Variants in LOC112694756 observed in about 807,000 individuals in gnomAD.
At chr16:30,069,611 A>G in the LOC112694756 span, 6 of 1,613,976 alleles carry the variant, frequency 3.7e-6, no homozygotes, top group Non-Finnish European at 5.1e-6. Flanking sequence ...AAGTTTTCTC[A>G]TGAGGAGATT....
the LOC112694756 span, chr16:30,069,297 G>T: frequency 6.2e-7 from 1 of 1,614,074 alleles, no homozygotes; most frequent in Non-Finnish European, 8.5e-7. Context: ...CCTGTCCCTC[G>T]CCCTGCAGAA....
chr16:30,070,317 T>G, the LOC112694756 span: 3 of 1,076,420 alleles, frequency 2.8e-6, no homozygotes, highest in Admixed American at 3.7e-5. Context: ...GCCCGCGCTC[T>G]TTCTTCCCTC....
At chr16:30,063,235 GCA>G in the LOC112694756 span, among the ~76,000 whole-genome samples, 1 of 152,090 alleles carries the variant, frequency 6.6e-6, no homozygotes, top group African/African-American at 2.4e-5. Flanking sequence ...TCTGTTCGTT[GCA>G]CAGAGTAGAT....
At chr16:30,064,704 A>C in the LOC112694756 span, 1 of 369,792 alleles carries the variant, frequency 2.7e-6, no homozygotes, top group Non-Finnish European at 4.8e-6. Context: ...GGCGGGCAGG[A>C]GCTGCCTTAT....
At chr16:30,068,420 G>A in the LOC112694756 span, 279 of 604,540 alleles carry the variant, frequency 4.6e-4, 3 homozygotes, top group African/African-American at 4.6e-3. Flanking sequence ...GCCCTGAGAT[G>A]CAGTTTAAGG....
chr16:30,063,670 T>C, the LOC112694756 span: 1 of 399,136 alleles, frequency 2.5e-6, no homozygotes, highest in Non-Finnish European at 4.4e-6. Flanking sequence ...CTTCTCCCCT[T>C]AGAGAGCAAC....
the LOC112694756 span, among the ~76,000 whole-genome samples, chr16:30,055,806 T>C: frequency 1.3e-5 from 2 of 152,020 alleles, no homozygotes; most frequent in Non-Finnish European, 2.9e-5. Flanking sequence ...TCTTTTCTTT[T>C]TGTTGTTGTT....
the LOC112694756 span, chr16:30,067,747 A>C: frequency 6.6e-7 from 1 of 1,515,938 alleles, no homozygotes. Context: ...TGAATGCTGG[A>C]TTGGTGGCCT....
the LOC112694756 span, chr16:30,053,431 C>T: frequency 6.5e-6 from 1 of 152,840 alleles, no homozygotes; most frequent in African/African-American, 2.4e-5. Context: ...CGGTGCCTCT[C>T]AGCCTCTGAG....
At chr16:30,056,430 AC>A in the LOC112694756 span, among the ~76,000 whole-genome samples, 6 of 152,180 alleles carry the variant, frequency 3.9e-5, no homozygotes, top group South Asian at 1.2e-3. Flanking sequence ...ATATAGAAAT[AC>A]ATGGAAAGTA....
At chr16:30,064,363 C>CCAGGGAGGGTGG in the LOC112694756 span, 109 of 398,790 alleles carry the variant, frequency 2.7e-4, 1 homozygote, top group East Asian at 3.7e-3. Flanking sequence ...AGAGAAGGAG[C>CCAGGGAGGGTGG]CAGGGAGGGT....
the LOC112694756 span, chr16:30,069,473 C>T: frequency 1.2e-6 from 2 of 1,614,090 alleles, no homozygotes; most frequent in East Asian, 4.5e-5. Context: ...CACCCCACTA[C>T]CCACCGTGCG....
At chr16:30,053,526 GGGCCCCCTCAGCGCCCTCTCCTAACCCC>G in the LOC112694756 span, 2 of 152,968 alleles carry the variant, frequency 1.3e-5, no homozygotes, top group African/African-American at 4.8e-5. Flanking sequence ...TCCCCTCTCT[GGGCCCCCTCAGCGCCCTCTCCTAACCCC>G]GAATGGGCCT....
the LOC112694756 span, chr16:30,070,072 G>A: frequency 1.2e-6 from 2 of 1,613,476 alleles, no homozygotes; most frequent in Non-Finnish European, 1.7e-6. Flanking sequence ...GGGTGGATGG[G>A]ACTCGGAGAA....
the LOC112694756 span, among the ~76,000 whole-genome samples, chr16:30,056,433 T>C: frequency 1.3e-5 from 2 of 152,278 alleles, no homozygotes; most frequent in African/African-American, 4.8e-5. Flanking sequence ...TAGAAATACA[T>C]GGAAAGTACC....
At chr16:30,066,342 T>A in the LOC112694756 span, 1 of 152,520 alleles carries the variant, frequency 6.6e-6, no homozygotes, top group African/African-American at 2.4e-5. Context: ...GGGAAACCCC[T>A]CCGCGGTGCT....
At chr16:30,065,071 G>GCGGCGGCC in the LOC112694756 span, among the ~76,000 whole-genome samples, 1 of 152,262 alleles carries the variant, frequency 6.6e-6, no homozygotes, top group Non-Finnish European at 1.5e-5. Context: ...CAGCCTGGCT[G>GCGGCGGCC]CGGCGGCCCG....
chr16:30,059,240 G>A, the LOC112694756 span, among the ~76,000 whole-genome samples: 1 of 152,060 alleles, frequency 6.6e-6, no homozygotes, highest in East Asian at 1.9e-4. Context: ...GCTCATGCCT[G>A]TAATCCCAGC....
At chr16:30,066,269 C>T in the LOC112694756 span, 1 of 152,526 alleles carries the variant, frequency 6.6e-6, no homozygotes, top group African/African-American at 2.4e-5. Flanking sequence ...ATGTACAGCC[C>T]CAGGGTTCTC....
Sources: gnomAD v4.1 joint callset for allele counts (sites outside exome capture counted in the v4.1 genomes callset) on GRCh38, gnomAD v4.1.1 for gene constraint, MANE v1.5 for transcripts.